CELF2: variants seen among roughly 807,000 people sequenced by gnomAD.
The protein encoded by CELF2 is CUG triplet repeat RNA-binding protein 2.
A neutral mutation model predicts 62.6 loss-of-function variants in CELF2; 8 were observed. The observed-to-expected ratio is 0.13, with a 90% CI of 0.07 to 0.23. The LOEUF (loss-of-function observed/expected upper bound fraction) is 0.23, where lower values mean the gene tolerates loss of function less well. Among genes scored for constraint, CELF2 ranks in the 10% least tolerant of loss-of-function variants. The pLI is 1.00. For missense variants in CELF2, 333 were observed against 671.0 expected, an observed-to-expected ratio of 0.50 and a Z score of 5.56; for synonymous variants, 258 against 250.0, an observed-to-expected ratio of 1.03 and a Z score of -0.30.
At chr10:10,962,477 C>A (rs894790700) in intron 2 of CELF2, among the ~76,000 whole-genome samples, 1 of 152,194 alleles carries the variant, frequency 6.6e-6, no homozygotes, top group South Asian at 2.1e-4. Context: ...AATCCCAGCA[C>A]TTTGGGAGGC....
At chr10:11,202,345 T>A (rs2059401620) in intron 2 of CELF2, among the ~76,000 whole-genome samples, 1 of 152,218 alleles carries the variant, frequency 6.6e-6, no homozygotes, top group African/African-American at 2.4e-5. Flanking sequence ...TTGAATTATT[T>A]ATGTGACAAA....
chr10:11,065,129 A>G (rs1192779600), intron 1 of CELF2, among the ~76,000 whole-genome samples: 1 of 152,236 alleles, frequency 6.6e-6, no homozygotes, highest in Non-Finnish European at 1.5e-5. Flanking sequence ...TTCATAACTT[A>G]AGGAGCTCAC....
At chr10:11,239,650 A>C (rs2073031255) in intron 3 of CELF2, among the ~76,000 whole-genome samples, 1 of 152,218 alleles carries the variant, frequency 6.6e-6, no homozygotes, top group Admixed American at 6.5e-5. Flanking sequence ...GGTTGGGAGA[A>C]GGGGATATGA....
chr10:10,520,127 C>T, the CELF2 span, among the ~76,000 whole-genome samples: 2 of 152,168 alleles, frequency 1.3e-5, no homozygotes, highest in African/African-American at 4.8e-5. Context: ...ACCTGCTTTG[C>T]ATTTTTTAAG....
chr10:10,581,982 C>A, the CELF2 span, among the ~76,000 whole-genome samples: 2 of 152,028 alleles, frequency 1.3e-5, no homozygotes, highest in African/African-American at 2.4e-5. Context: ...GAGCTGAGAT[C>A]GTGCCACTGC....
At chr10:10,676,447 G>A in the CELF2 span, among the ~76,000 whole-genome samples, 20 of 152,316 alleles carry the variant, frequency 1.3e-4, no homozygotes, top group East Asian at 3.9e-3. Context: ...GAGTGATCTG[G>A]TGTGTTTCAA....
chr10:10,654,872 A>T, the CELF2 span, among the ~76,000 whole-genome samples: 1 of 150,846 alleles, frequency 6.6e-6, no homozygotes, highest in South Asian at 2.2e-4. Flanking sequence ...TGGCCAGGGA[A>T]ATCGGGCAGG....
In CELF2 at chr10:11,161,654, A is replaced by G. The variant is rs572965016; in HGVS notation, c.75-3832A>G. On this transcript the variant is annotated intron_variant, in intron 1 of 12. Coordinates refer to ENST00000633077, the MANE Select transcript of CELF2 (RefSeq NM_001326342.2). ...CTGGCAAAGAGTAGCTCCTCAATAA[A>G]TATTATTTGAATTTGGATGTAAATT... Among the ~76,000 whole-genome samples, 14 of 152,314 alleles carry G rather than the reference A, an allele frequency of 9.2e-5. No homozygotes were observed. The East Asian group carries it at 2.3e-3, about 25-fold the overall frequency.
At chr10:10,565,785 G>A in the CELF2 span, among the ~76,000 whole-genome samples, 15 of 152,146 alleles carry the variant, frequency 9.9e-5, no homozygotes, top group Non-Finnish European at 2.1e-4. Flanking sequence ...ATTAAAGATG[G>A]AGCTACATTA....
chr10:11,309,933 GA>G lies in CELF2; in HGVS notation c.977-4205del, dbSNP rs2094472557. On this transcript the variant is annotated intron_variant, in intron 9 of 12. Coordinates refer to ENST00000633077, the MANE Select transcript of CELF2 (RefSeq NM_001326342.2). This position sits in a 1 kb window ranked among gnomAD's most constrained non-coding sequence, Gnocchi z 5.6. The stretch of plus-strand genomic sequence containing the variant: ...TTGTGACCTGTCTCTCCCTGCTCTG[GA>G]GGTGGTGCAGGGGCAGTGGCCTGCT... Among the ~76,000 whole-genome samples the G allele has an allele frequency of 6.6e-6, 1 of 152,196 alleles. No homozygotes were observed. The highest frequency in any genetic ancestry group is 2.4e-5 in the African/African-American group (1 of 41,438).
rs868173173 is a variant in CELF2, at chr10:11,280,674, A to G, written c.841+5554A>G. On this transcript the variant is annotated intron_variant, in intron 8 of 12. Transcript: ENST00000633077. This position sits in a 1 kb window ranked among gnomAD's most constrained non-coding sequence, Gnocchi z 7.6. ...TAGCACCTAGAAGATCGGTAGGTGC[A>G]GGGATGTCCATGGGGCAGGATGGAC... is the stretch of plus-strand genomic sequence containing the variant. 1.3e-5 allele frequency among the ~76,000 whole-genome samples: 2 copies of G among 152,218 alleles called. No individual in the cohort carries two copies. Among genetic ancestry groups the G allele is most frequent in the Non-Finnish European group, 2.9e-5 (2 of 68,036 alleles).
rs750700587 is a variant in CELF2, at chr10:11,157,119, G to T, written c.75-8367G>T. Among the ~76,000 whole-genome samples the T allele has an allele frequency of 2.0e-5, 3 of 152,102 alleles. No individual in the cohort carries two copies. The highest frequency in any genetic ancestry group is 4.4e-5 in the Non-Finnish European group (3 of 68,010). On this transcript the variant is annotated intron_variant, in intron 1 of 12. Coordinates refer to ENST00000633077, the MANE Select transcript of CELF2 (RefSeq NM_001326342.2). This position sits in a 1 kb window ranked among gnomAD's most constrained non-coding sequence, Gnocchi z 4.9. The stretch of plus-strand genomic sequence containing the variant: ...GGCTCCAGGGGGTGGCATTTCAAGA[G>T]CAGGTTGGGGGATGAGGCTGTGTCC...
intron 1 of CELF2, among the ~76,000 whole-genome samples, chr10:11,026,296 T>C (rs2059192293): frequency 6.6e-6 from 1 of 152,082 alleles, no homozygotes; most frequent in Non-Finnish European, 1.5e-5. Flanking sequence ...ACTGAACACT[T>C]AAAAAAGGTG....
At chr10:11,254,144 G>GT (rs1479280272) in intron 4 of CELF2, among the ~76,000 whole-genome samples, 1 of 152,240 alleles carries the variant, frequency 6.6e-6, no homozygotes, top group African/African-American at 2.4e-5. Flanking sequence ...TTACAAAGCT[G>GT]TTAGGGACCC....
chr10:10,547,801 G>A, the CELF2 span, among the ~76,000 whole-genome samples: 1 of 151,578 alleles, frequency 6.6e-6, no homozygotes, highest in African/African-American at 2.4e-5. Flanking sequence ...AAAGTATCGG[G>A]CTGGTTTTTA....
At position 11,332,141 on chromosome 10, in the gene CELF2, A is replaced by T. The variant is rs745417571; in HGVS notation, c.*3088A>T. 6.9e-6 allele frequency: 1 copy of T among 145,402 alleles called. No individual in the cohort carries two copies. Among genetic ancestry groups the T allele is most frequent in the African/African-American group, 2.9e-5 (1 of 35,076 alleles). The allele number at this position is 145,402 out of a possible 1,614,324, so 9.0% of individuals were successfully genotyped here. On this transcript the variant is annotated 3_prime_UTR_variant, in exon 13 of 13. Transcript: ENST00000633077. The stretch of plus-strand genomic sequence containing the variant: ...ATTCCTTCTTCAGTTTTAACGAGTA[A>T]TTGGATAAACCCTGAGGGAAAACGG...
chr10:10,743,494 T>C, the CELF2 span, among the ~76,000 whole-genome samples: 92 of 152,236 alleles, frequency 6.0e-4, no homozygotes, highest in Non-Finnish European at 1.2e-3. Flanking sequence ...TCACCCCTGA[T>C]GAGAAGATAC....
chr10:11,062,370 C>G (rs985812985), intron 1 of CELF2, among the ~76,000 whole-genome samples: 4 of 152,220 alleles, frequency 2.6e-5, no homozygotes, highest in Non-Finnish European at 4.4e-5. Context: ...TGTGATTCCT[C>G]TAATGGATCT....
upstream of CELF2, among the ~76,000 whole-genome samples, chr10:11,017,340 T>TAGTGTTTGCA (rs2057387066): frequency 6.6e-6 from 1 of 152,224 alleles, no homozygotes; most frequent in South Asian, 2.1e-4. This position sits in a 1 kb window ranked among gnomAD's most constrained non-coding sequence, Gnocchi z 5.5. Context: ...TTATACTTCT[T>TAGTGTTTGCA]AGTGTTTGCA....
Sources: allele counts gnomAD v4.1 joint callset (sites outside exome capture counted in the v4.1 genomes callset), GRCh38; gene constraint gnomAD v4.1.1; non-coding constraint Gnocchi (gnomAD v3.1); transcripts MANE v1.5; gene names NCBI Gene and HGNC (gene_info 2026-07-23, HGNC 2026-07-21).